The following ERC2 variants were observed in gnomAD, a reference collection of about 807,000 sequenced individuals.
ERC2 encodes the protein ELKS/RAB6-interacting/CAST family member 2, also known as ERC protein 2.
A neutral mutation model predicts 114.8 loss-of-function variants in ERC2; 42 were observed. The ratio of observed to expected loss-of-function variants is 0.37; its 90% CI spans 0.29 to 0.47. The LOEUF (loss-of-function observed/expected upper bound fraction) is 0.47, where lower values mean the gene tolerates loss of function less well. Ranked by LOEUF, ERC2 falls within the 20% of genes least tolerant of loss-of-function variation. The pLI, the probability that ERC2 is intolerant of heterozygous loss-of-function variation, is 0.99. For synonymous variants in ERC2, 454 were observed against 425.5 expected, an observed-to-expected ratio of 1.07 and a Z score of -0.82; for missense variants, 939 against 1,150.7, an observed-to-expected ratio of 0.82 and a Z score of 2.66.
chr3:56,321,157 G>A (rs1228934991), intron 2 of ERC2, among the ~76,000 whole-genome samples: 2 of 152,150 alleles, frequency 1.3e-5, no homozygotes, highest in Non-Finnish European at 2.9e-5. Context: ...TAAGACAGGA[G>A]GCAGGTGGTT....
At chr3:56,072,110 G>A (rs1316832005) in intron 7 of ERC2, 1 of 153,354 alleles carries the variant, frequency 6.5e-6, no homozygotes, top group Non-Finnish European at 1.5e-5. Context: ...TATTGGATGT[G>A]AGGGCAATCT....
chr3:56,350,148 G>A (rs1357328027), intron 2 of ERC2, among the ~76,000 whole-genome samples: 1 of 152,232 alleles, frequency 6.6e-6, no homozygotes, highest in Non-Finnish European at 1.5e-5. Flanking sequence ...TTGGGGGACA[G>A]GAGGTGGATA....
At chr3:56,150,528 A>T (rs1319940675) in intron 4 of ERC2, among the ~76,000 whole-genome samples, 1 of 152,200 alleles carries the variant, frequency 6.6e-6, no homozygotes, top group African/African-American at 2.4e-5. Flanking sequence ...AAATAAAAAG[A>T]TTTTGAAAAT....
At chr3:56,148,658 T>C (rs944477579) in intron 5 of ERC2, among the ~76,000 whole-genome samples, 2 of 152,088 alleles carry the variant, frequency 1.3e-5, no homozygotes, top group African/African-American at 2.4e-5. Context: ...TCAAAAAAAA[T>C]AGCAAACTTA....
At chr3:55,557,372 G>T (rs894227823) in intron 17 of ERC2, among the ~76,000 whole-genome samples, 6 of 152,166 alleles carry the variant, frequency 3.9e-5, no homozygotes, top group Non-Finnish European at 8.8e-5. Flanking sequence ...CCTGGCCAGG[G>T]CCCTCCCTTC....
intron 2 of ERC2, among the ~76,000 whole-genome samples, chr3:56,332,132 T>TCACACA (rs4061142): frequency 9.4e-4 from 111 of 117,592 alleles, no homozygotes; most frequent in South Asian, 1.7e-3. Context: ...TTCCTATTTT[T>TCACACA]CACACACACA....
intron 2 of ERC2, among the ~76,000 whole-genome samples, chr3:56,386,556 G>GTTGTTT (rs1576703679): frequency 6.6e-6 from 1 of 152,120 alleles, no homozygotes; most frequent in African/African-American, 2.4e-5. Flanking sequence ...GTCTTATGGG[G>GTTGTTT]TTGTTTTTGT....
rs114385806 is a variant in ERC2 at position 55,782,224 on chromosome 3, A to G, written c.2565-47306T>C. Among the ~76,000 whole-genome samples the G allele has an allele frequency of 2.0e-5, 3 of 152,126 alleles. No homozygotes were observed. The East Asian group carries it at 5.8e-4, about 29-fold the overall frequency. ...GTGTCAGGCCGACATTCTTGCTGTC[A>G]TCAAAGACCACAGGGGTCTTACCTA... On this transcript the variant is annotated intron_variant, in intron 14 of 17. Coordinates refer to ENST00000288221, the MANE Select transcript of ERC2 (RefSeq NM_015576.3).
At chr3:55,978,389 C>T (rs1440116350) in intron 12 of ERC2, among the ~76,000 whole-genome samples, 1 of 152,188 alleles carries the variant, frequency 6.6e-6, no homozygotes, top group African/African-American at 2.4e-5. Context: ...GGGAAGCATG[C>T]AGCAGGATTC....
intron 17 of ERC2, among the ~76,000 whole-genome samples, chr3:55,618,902 T>C (rs2059224521): frequency 6.6e-6 from 1 of 152,184 alleles, no homozygotes; most frequent in Non-Finnish European, 1.5e-5. Context: ...CAGCTATCCT[T>C]TCTCGAGGAG....
At chr3:55,960,595 A>G (rs2149466044) in intron 12 of ERC2, among the ~76,000 whole-genome samples, 1 of 152,228 alleles carries the variant, frequency 6.6e-6, no homozygotes, top group South Asian at 2.1e-4. Context: ...TGCATTTTGA[A>G]TTCCTTATGG....
At chr3:56,352,077 C>T (rs970924051) in intron 2 of ERC2, among the ~76,000 whole-genome samples, 2 of 152,086 alleles carry the variant, frequency 1.3e-5, no homozygotes, top group Non-Finnish European at 2.9e-5. Flanking sequence ...ACAATGAGAT[C>T]TTTACATTTT....
intron 17 of ERC2, among the ~76,000 whole-genome samples, chr3:55,568,260 G>A (rs184934253): frequency 5.9e-5 from 9 of 152,294 alleles, no homozygotes; most frequent in Admixed American, 5.9e-4. Context: ...GAGCCCACGG[G>A]TTGGATCAGT....
At chr3:55,586,187 C>T (rs950167185) in intron 17 of ERC2, among the ~76,000 whole-genome samples, 4 of 152,122 alleles carry the variant, frequency 2.6e-5, no homozygotes, top group Non-Finnish European at 5.9e-5. Context: ...GAAAGGACCA[C>T]GGAGAAACCA....
intron 14 of ERC2, among the ~76,000 whole-genome samples, chr3:55,737,149 T>A (rs1159238249): frequency 6.6e-6 from 1 of 152,196 alleles, no homozygotes; most frequent in East Asian, 1.9e-4. Context: ...TGGTCATTAT[T>A]TGGATCTCAG....
chr3:55,888,445 G>A lies in ERC2; in HGVS notation c.2508C>T (p.His836=). Residue 836 remains histidine, a synonymous_variant, in exon 14 of 18, where the codon CAC becomes CAT. Coordinates refer to ENST00000288221, the MANE Select transcript of ERC2 (RefSeq NM_015576.3). ...TQQSLAEKEA[H]LANLRIERRK... ...TCCTCTCAATCCGGAGGTTGGCCAA[G>A]TGCGCTTCTTTTTCGGCCAGGGACT... The A allele has an allele frequency of 6.2e-7, 1 of 1,613,902 alleles. No individual in the cohort carries two copies. The highest frequency in any genetic ancestry group is 2.2e-5 in the East Asian group (1 of 44,872).
intron 13 of ERC2, among the ~76,000 whole-genome samples, chr3:55,895,216 C>A (rs146736619): frequency 7.3e-4 from 111 of 152,312 alleles, no homozygotes; most frequent in Non-Finnish European, 1.2e-3. Flanking sequence ...ATGTTAGAAT[C>A]CCTTGGGAAG....
In ERC2 at chr3:56,074,239, C is replaced by T. The variant is rs114392288; in HGVS notation, c.1641+6578G>A. 3.2e-3 allele frequency among the ~76,000 whole-genome samples: 490 copies of T among 152,200 alleles called. 2 individuals carry two copies. The highest frequency in any genetic ancestry group is 0.011 in the African/African-American group (456 of 41,524). ...CCCTTTCCTGCCACGTCACTCTGAA[C>T]GAGTTCTTCTCTAAACCATAGTCTC... On this transcript the variant is annotated intron_variant, in intron 7 of 17. Transcript: ENST00000288221.
intron 17 of ERC2, among the ~76,000 whole-genome samples, chr3:55,671,765 C>A (rs2061568875): frequency 6.6e-6 from 1 of 152,160 alleles, no homozygotes; most frequent in Non-Finnish European, 1.5e-5. Flanking sequence ...GGTAGCTCCA[C>A]CTGCTTGGAA....
Sources: allele counts gnomAD v4.1 joint callset (sites outside exome capture counted in the v4.1 genomes callset), GRCh38; gene constraint gnomAD v4.1.1; transcripts MANE v1.5; gene names NCBI Gene and HGNC (gene_info 2026-07-23, HGNC 2026-07-21).